ULK4: variants seen among roughly 807,000 people sequenced by gnomAD.
The protein encoded by ULK4 is unc-51 like kinase 4, also known as inactive serine/threonine-protein kinase ULK4.
In ULK4, 133 loss-of-function variants were observed where a neutral mutation model predicts 160.6. The ratio of observed to expected loss-of-function variants is 0.83; its 90% confidence interval spans 0.72 to 0.96. The LOEUF (loss-of-function observed/expected upper bound fraction) is 0.96. Ranked by LOEUF, ULK4 falls within the 40% of genes least tolerant of loss-of-function variation. The pLI is 0.00. For missense variants in ULK4, 1,580 were observed against 1,499.5 expected (o/e 1.05, Z -0.89); for synonymous variants, 534 against 539.8 (o/e 0.99, Z 0.15).
chr3:41,906,918 G>A (rs1212346135), intron 12 of ULK4, among the ~76,000 whole-genome samples: 3 of 151,926 alleles, frequency 2.0e-5, no homozygotes, highest in African/African-American at 7.3e-5. Context: ...GCTTGAATCC[G>A]GTAGGCGGAG....
intron 33 of ULK4, among the ~76,000 whole-genome samples, chr3:41,459,475 C>A (rs977453747): frequency 6.6e-6 from 1 of 152,148 alleles, no homozygotes; most frequent in East Asian, 1.9e-4. Flanking sequence ...TCCCCAAACA[C>A]GATCATGCTG....
chr3:41,546,265 G>T (rs973626979), intron 32 of ULK4, among the ~76,000 whole-genome samples: 2 of 151,908 alleles, frequency 1.3e-5, no homozygotes, highest in East Asian at 3.9e-4. Flanking sequence ...ATTCTTGGTG[G>T]CTCTTTTGAC....
intron 32 of ULK4, among the ~76,000 whole-genome samples, chr3:41,482,903 A>G (rs2084378609): frequency 6.6e-6 from 1 of 152,138 alleles, no homozygotes. Flanking sequence ...TGTAAGGTGT[A>G]TATATTTATA....
chr3:41,786,598 C>CA (rs34207417), intron 21 of ULK4, among the ~76,000 whole-genome samples: 6,593 of 63,338 alleles, frequency 0.1, 586 homozygotes, highest in African/African-American at 0.24. Context: ...ATCCTGTCTC[C>CA]AAAAAAAAAA....
At chr3:41,469,017 C>G (rs2083903234) in intron 32 of ULK4, among the ~76,000 whole-genome samples, 1 of 152,198 alleles carries the variant, frequency 6.6e-6, no homozygotes, top group Non-Finnish European at 1.5e-5. Context: ...AAAAGCTGAG[C>G]TAGTCACTCC....
intron 30 of ULK4, among the ~76,000 whole-genome samples, chr3:41,640,609 C>T (rs1052677090): frequency 6.6e-6 from 1 of 152,066 alleles, no homozygotes; most frequent in East Asian, 1.9e-4. Context: ...AGAATCACTG[C>T]CCCAAATTTT....
rs752234658 is a variant in ULK4 at position 41,746,734 on chromosome 3, CCTT to C, written c.2321+7624_2321+7626del. On this transcript the variant is annotated intron_variant, in intron 22 of 36. Transcript: ENST00000301831. ...AGGAATCACTCTGCCCAATATTAAG[CCTT>C]ATTATGGTCAAGTAATCTTAATTAC... is the stretch of plus-strand genomic sequence containing the variant. 1.0e-3 allele frequency among the ~76,000 whole-genome samples: 156 copies of C among 151,842 alleles called. 1 individual carries two copies. The highest frequency in any genetic ancestry group is 1.9e-3 in the Non-Finnish European group (130 of 67,972).
intron 3 of ULK4, 26 bp from the exon 4 acceptor site, chr3:41,935,966 C>T: frequency 2.5e-6 from 4 of 1,602,142 alleles, no homozygotes; most frequent in Non-Finnish European, 3.4e-6. Context: ...TAAAATCACC[C>T]ATTTCAACCC....
At chr3:41,450,649 G>A (rs531530072) in intron 34 of ULK4, among the ~76,000 whole-genome samples, 4 of 152,244 alleles carry the variant, frequency 2.6e-5, no homozygotes, top group South Asian at 2.1e-4. Context: ...TTTTCCCTAC[G>A]GGAAAGCAAT....
chr3:41,576,443 A>G lies in ULK4; in HGVS notation c.3121-10313T>C, dbSNP rs1187373387. ...ACTTTTAATAGTGTCCCCTGTGCCT[A>G]TGTGCAGTCCCTGGTACACAGTGGT... is the stretch of plus-strand genomic sequence containing the variant. On this transcript the variant is annotated intron_variant, in intron 31 of 36. Coordinates refer to ENST00000301831, the MANE Select transcript of ULK4 (RefSeq NM_017886.4). 2.6e-5 allele frequency among the ~76,000 whole-genome samples: 4 copies of G among 152,160 alleles called. No individual in the cohort carries two copies. In the East Asian group the frequency reaches 7.7e-4, roughly 29 times the overall value.
At chr3:41,954,192 A>G (rs1006565262) in intron 2 of ULK4, among the ~76,000 whole-genome samples, 4 of 148,800 alleles carry the variant, frequency 2.7e-5, no homozygotes, top group Admixed American at 1.3e-4. Context: ...AAAAAAAAAA[A>G]AAAGAAAAAT....
intron 32 of ULK4, among the ~76,000 whole-genome samples, chr3:41,540,982 C>T (rs2086676488): frequency 1.3e-5 from 2 of 152,178 alleles, no homozygotes; most frequent in South Asian, 4.1e-4. Flanking sequence ...CTGTAGGTTG[C>T]CTGTTCACTC....
At chr3:41,261,690 C>A (rs1376382960) in intron 35 of ULK4, among the ~76,000 whole-genome samples, 1 of 152,136 alleles carries the variant, frequency 6.6e-6, no homozygotes, top group Non-Finnish European at 1.5e-5. Context: ...CATTTCCAGG[C>A]AAAGCAGGAA....
intron 21 of ULK4, among the ~76,000 whole-genome samples, chr3:41,780,103 A>G (rs949771799): frequency 6.6e-6 from 1 of 151,822 alleles, no homozygotes; most frequent in Non-Finnish European, 1.5e-5. Flanking sequence ...CCTGAGCCCA[A>G]GAGCTCGATA....
intron 34 of ULK4, among the ~76,000 whole-genome samples, chr3:41,449,945 C>A (rs1342790718): frequency 6.7e-6 from 1 of 148,334 alleles, no homozygotes; most frequent in African/African-American, 2.5e-5. Flanking sequence ...CAAGGACCAT[C>A]TTTTCAGTGG....
chr3:41,926,895 G>A (rs1699405473), intron 5 of ULK4, among the ~76,000 whole-genome samples: 1 of 152,184 alleles, frequency 6.6e-6, no homozygotes, highest in African/African-American at 2.4e-5. Flanking sequence ...AAGTGATGGA[G>A]AGAATGGAAC....
At chr3:41,562,203 T>G (rs1259896148) in intron 32 of ULK4, among the ~76,000 whole-genome samples, 1 of 152,244 alleles carries the variant, frequency 6.6e-6, no homozygotes, top group African/African-American at 2.4e-5. Context: ...AGTTCTAATT[T>G]GATTGTACTG....
chr3:41,676,112 C>G (rs1209844822), intron 29 of ULK4, among the ~76,000 whole-genome samples: 1 of 152,088 alleles, frequency 6.6e-6, no homozygotes, highest in Non-Finnish European at 1.5e-5. Context: ...GACTTCTGAC[C>G]TATGGAGCTG....
rs557234657 is a variant in ULK4 at position 41,410,337 on chromosome 3, T to C, written c.3493-12073A>G. Among the ~76,000 whole-genome samples, 55 of 152,302 alleles carry C rather than the reference T, an allele frequency of 3.6e-4. 1 individual carries two copies. Among genetic ancestry groups the C allele is most frequent in the Admixed American group, 1.6e-3 (24 of 15,298 alleles). ...GATACACTCATATAATGGAATATTA[T>C]TTAGGAATAATAAGGAATGAAGCAC... On this transcript the variant is annotated intron_variant, in intron 34 of 36. Coordinates refer to ENST00000301831, the MANE Select transcript of ULK4 (RefSeq NM_017886.4).
Sources: gnomAD v4.1 joint callset for allele counts (sites outside exome capture counted in the v4.1 genomes callset) on GRCh38, gnomAD v4.1.1 for gene constraint, MANE v1.5 for transcripts, NCBI Gene and HGNC (gene_info 2026-07-23, HGNC 2026-07-21) for gene names.